The following EYS variants were observed in gnomAD, a reference collection of about 807,000 sequenced individuals.
The protein encoded by EYS is EGF-like photoreceptor maintenance factor, also known as protein eyes shut homolog.
Under a neutral mutation model 282.1 loss-of-function variants are expected in EYS, and 250 were observed. The observed-to-expected ratio is 0.89, with a 90% CI of 0.80 to 0.98. EYS has a LOEUF of 0.98. EYS is among the 50% of genes least tolerant of loss of function. EYS has a pLI of 0.00. For synonymous variants in EYS, 1,355 were observed against 1,282.9 expected, an observed-to-expected ratio of 1.06 and a Z score of -1.20; for missense variants, 4,016 against 3,709.0, an observed-to-expected ratio of 1.08 and a Z score of -2.15.
intron 26 of EYS, among the ~76,000 whole-genome samples, chr6:64,524,601 A>G (rs960967662): frequency 1.3e-5 from 2 of 151,588 alleles, no homozygotes; most frequent in Non-Finnish European, 3.0e-5. Flanking sequence ...GGGTTTTTAT[A>G]GTTTTGGGTT....
chr6:65,637,577 A>G (rs1344551965), intron 2 of EYS, among the ~76,000 whole-genome samples: 1 of 152,048 alleles, frequency 6.6e-6, no homozygotes, highest in South Asian at 2.1e-4. Context: ...GCATCACTGC[A>G]CTCTTGGGGG....
intron 35 of EYS, among the ~76,000 whole-genome samples, chr6:63,924,173 C>G (rs1253760292): frequency 1.3e-5 from 2 of 152,158 alleles, no homozygotes; most frequent in African/African-American, 2.4e-5. Context: ...ACTTCTTCCT[C>G]TCAGAATTAA....
intron 29 of EYS, among the ~76,000 whole-genome samples, chr6:64,316,962 G>A (rs1339451217): frequency 6.6e-6 from 1 of 152,120 alleles, no homozygotes; most frequent in Non-Finnish European, 1.5e-5. Flanking sequence ...AAGCAATGGG[G>A]AAAGGATTCC....
At chr6:64,157,878 G>C (rs149700513) in intron 31 of EYS, among the ~76,000 whole-genome samples, 293 of 152,326 alleles carry the variant, frequency 1.9e-3, no homozygotes, top group African/African-American at 6.4e-3. Context: ...CCCCCACACA[G>C]AGTCCCTACT....
intron 19 of EYS, among the ~76,000 whole-genome samples, chr6:64,878,121 T>A (rs1766807453): frequency 6.6e-6 from 1 of 151,954 alleles, no homozygotes; most frequent in South Asian, 2.1e-4. Flanking sequence ...TAATCCCAGC[T>A]ACTTGGGAGG....
At chr6:65,105,194 A>T (rs899885252) in intron 12 of EYS, among the ~76,000 whole-genome samples, 1 of 151,810 alleles carries the variant, frequency 6.6e-6, no homozygotes, top group Non-Finnish European at 1.5e-5. Flanking sequence ...GACAATAATT[A>T]CTAAACATGC....
At chr6:65,070,671 ATCT>A (rs1773876876) in intron 12 of EYS, among the ~76,000 whole-genome samples, 1 of 151,568 alleles carries the variant, frequency 6.6e-6, no homozygotes, top group Non-Finnish European at 1.5e-5. Context: ...ATTTTGAGAA[ATCT>A]TCTTTTTCTA....
At chr6:64,204,343 T>C (rs965839005) in intron 31 of EYS, among the ~76,000 whole-genome samples, 36 of 152,270 alleles carry the variant, frequency 2.4e-4, no homozygotes, top group Middle Eastern at 6.8e-3. Flanking sequence ...ACCTACCCTA[T>C]GCAATTTCAC....
intron 22 of EYS, among the ~76,000 whole-genome samples, chr6:64,765,323 T>A (rs1357442948): frequency 6.6e-6 from 1 of 152,134 alleles, no homozygotes; most frequent in East Asian, 1.9e-4. Context: ...GACTTCATTG[T>A]CCATATCACT....
In EYS at chr6:64,394,297, G is replaced by C. The variant is rs1342432200; in HGVS notation, c.5928-5457C>G. Among the ~76,000 whole-genome samples, 4 of 152,036 alleles carry C rather than the reference G, an allele frequency of 2.6e-5. No individual in the cohort carries two copies. In the East Asian group the frequency reaches 7.7e-4, roughly 29 times the overall value. On this transcript the variant is annotated intron_variant, in intron 28 of 42. Coordinates refer to ENST00000503581, the MANE Select transcript of EYS (RefSeq NM_001142800.2). The stretch of plus-strand genomic sequence containing the variant: ...AAAAAACTACTTTAAAATTCATATG[G>C]AACCAAAAAAGAGCCTGCATCGCCA...
intron 40 of EYS, among the ~76,000 whole-genome samples, chr6:63,776,726 G>T (rs1045322757): frequency 1.3e-5 from 2 of 151,996 alleles, no homozygotes; most frequent in Non-Finnish European, 2.9e-5. Context: ...GGTTCAAACT[G>T]TTAGGCTGTT....
At chr6:65,015,312 T>C (rs1481384491) in intron 13 of EYS, among the ~76,000 whole-genome samples, 1 of 152,216 alleles carries the variant, frequency 6.6e-6, no homozygotes, top group African/African-American at 2.4e-5. Flanking sequence ...TAATATGTAA[T>C]GTGTTAGTTA....
chr6:64,847,155 G>C (rs1175968391), intron 19 of EYS, among the ~76,000 whole-genome samples: 1 of 152,018 alleles, frequency 6.6e-6, no homozygotes, highest in Non-Finnish European at 1.5e-5. Context: ...TTATGCCACT[G>C]GCTGTTCTGG....
At chr6:65,149,261 T>C in intron 12 of EYS, among the ~76,000 whole-genome samples, 1 of 152,058 alleles carries the variant, frequency 6.6e-6, no homozygotes, top group Non-Finnish European at 1.5e-5. Flanking sequence ...CACTTAGAAA[T>C]TTCTTCCACC....
chr6:65,251,601 A>C (rs760975097), intron 12 of EYS, among the ~76,000 whole-genome samples: 14 of 152,026 alleles, frequency 9.2e-5, no homozygotes, highest in African/African-American at 2.9e-4. Context: ...TTCTCACTGA[A>C]TATAGCTATA....
At chr6:64,826,556 A>G (rs1437457727) in intron 19 of EYS, among the ~76,000 whole-genome samples, 11 of 151,546 alleles carry the variant, frequency 7.3e-5, no homozygotes, top group Admixed American at 4.6e-4. Flanking sequence ...AAATTACACA[A>G]TCCTTTTAGA....
chr6:65,505,751 GAT>G (rs775586079), intron 2 of EYS, among the ~76,000 whole-genome samples: 9 of 152,026 alleles, frequency 5.9e-5, no homozygotes, highest in Non-Finnish European at 1.0e-4. Context: ...GTGGCATGGG[GAT>G]ATATGTTTTA....
chr6:64,453,433 G>T (rs1226092782), intron 26 of EYS, among the ~76,000 whole-genome samples: 3 of 152,182 alleles, frequency 2.0e-5, no homozygotes, highest in Non-Finnish European at 4.4e-5. Flanking sequence ...TTCAACCATT[G>T]TGGAAGTCAG....
chr6:64,825,074 T>C (rs556181376), intron 19 of EYS, among the ~76,000 whole-genome samples: 8 of 152,060 alleles, frequency 5.3e-5, no homozygotes, highest in Non-Finnish European at 1.2e-4. Flanking sequence ...TTTACTTACA[T>C]TGACCTCCTT....
Sources: gnomAD v4.1 joint callset for allele counts (sites outside exome capture counted in the v4.1 genomes callset) on GRCh38, gnomAD v4.1.1 for gene constraint, MANE v1.5 for transcripts, NCBI Gene and HGNC (gene_info 2026-07-23, HGNC 2026-07-21) for gene names.